The following LEF1 variants were observed in gnomAD, a reference collection of about 807,000 sequenced individuals.
The protein encoded by LEF1 is lymphoid enhancer-binding factor 1.
Under a neutral mutation model 51.2 loss-of-function variants are expected in LEF1, and 14 were observed. The observed-to-expected ratio is 0.27, with a 90% CI of 0.18 to 0.43. The LOEUF (loss-of-function observed/expected upper bound fraction) is 0.43, where lower values mean the gene tolerates loss of function less well. Ranked by LOEUF, LEF1 falls within the 20% of genes least tolerant of loss-of-function variation. The pLI, the probability that LEF1 is intolerant of heterozygous loss-of-function variation, is 1.00. For synonymous variants in LEF1, 185 were observed against 183.2 expected, an observed-to-expected ratio of 1.01 and a Z score of -0.08; for missense variants, 386 against 512.0, an observed-to-expected ratio of 0.75 and a Z score of 2.37.
intron 3 of LEF1, among the ~76,000 whole-genome samples, chr4:108,091,974 A>T (rs1460720341): frequency 6.6e-6 from 1 of 152,200 alleles, no homozygotes; most frequent in African/African-American, 2.4e-5. Flanking sequence ...GGTACTTATA[A>T]AGAGTAAACA....
At chr4:108,070,352 C>A (rs1738384036) in intron 9 of LEF1, 3 of 191,956 alleles carry the variant, frequency 1.6e-5, no homozygotes, top group East Asian at 2.5e-4. Flanking sequence ...GTAGTTATTA[C>A]TAATGTTGCC....
At chr4:108,082,979 T>C (rs756242101) in intron 5 of LEF1, among the ~76,000 whole-genome samples, 23 of 152,206 alleles carry the variant, frequency 1.5e-4, no homozygotes, top group Non-Finnish European at 2.4e-4. Context: ...AAGGTAGATA[T>C]TCAATGCGTC....
intron 8 of LEF1, among the ~76,000 whole-genome samples, chr4:108,076,199 A>T (rs915839789): frequency 3.3e-5 from 5 of 152,114 alleles, no homozygotes; most frequent in African/African-American, 1.2e-4. Context: ...ACTGAATCTT[A>T]TTCCCTACAT....
chr4:108,096,376 G>A (rs555394656), intron 3 of LEF1, among the ~76,000 whole-genome samples: 1 of 152,272 alleles, frequency 6.6e-6, no homozygotes, highest in South Asian at 2.1e-4. Flanking sequence ...AAGGACGTGG[G>A]GCAGAGCGAG....
intron 11 of LEF1, among the ~76,000 whole-genome samples, chr4:108,061,866 C>G (rs992775350): frequency 6.6e-6 from 1 of 152,110 alleles, no homozygotes; most frequent in Non-Finnish European, 1.5e-5. Context: ...CTCCTTTCAC[C>G]TGGAGGAAAG....
chr4:108,113,377 G>A (rs1472709765), intron 3 of LEF1, among the ~76,000 whole-genome samples: 1 of 152,006 alleles, frequency 6.6e-6, no homozygotes, highest in South Asian at 2.1e-4. Context: ...GTGTTACAGG[G>A]GAGAAGGGAA....
At chr4:108,059,820 A>G (rs527393410) in intron 11 of LEF1, among the ~76,000 whole-genome samples, 9 of 152,172 alleles carry the variant, frequency 5.9e-5, no homozygotes, top group African/African-American at 2.2e-4. Flanking sequence ...CAACCACCTC[A>G]GCCTCGCCAG....
intron 5 of LEF1, among the ~76,000 whole-genome samples, chr4:108,082,940 C>T (rs545232978): frequency 3.9e-5 from 6 of 152,158 alleles, no homozygotes; most frequent in Non-Finnish European, 8.8e-5. Context: ...TTATTTTTGT[C>T]ATTTACCTCA....
intron 3 of LEF1, among the ~76,000 whole-genome samples, chr4:108,127,386 A>G (rs1293681459): frequency 6.6e-6 from 1 of 152,222 alleles, no homozygotes; most frequent in Non-Finnish European, 1.5e-5. Context: ...TTACTGCCTG[A>G]ATGCTGCTAT....
intron 3 of LEF1, among the ~76,000 whole-genome samples, chr4:108,095,255 C>T (rs1216003528): frequency 6.6e-6 from 1 of 152,154 alleles, no homozygotes; most frequent in Non-Finnish European, 1.5e-5. Flanking sequence ...AGGAACATAT[C>T]ACAGGGAAAG....
At chr4:108,103,067 G>C (rs1326285082) in intron 3 of LEF1, among the ~76,000 whole-genome samples, 2 of 152,166 alleles carry the variant, frequency 1.3e-5, no homozygotes, top group African/African-American at 4.8e-5. Flanking sequence ...GGTTCTCTAA[G>C]AGCACGCAGC....
chr4:108,166,475 G>A, intron 1 of LEF1: 1 of 1,384,448 alleles, frequency 7.2e-7, no homozygotes, highest in Non-Finnish European at 9.3e-7. Flanking sequence ...CTTTTCTACC[G>A]GATTTCCTCC....
intron 9 of LEF1, among the ~76,000 whole-genome samples, chr4:108,067,560 G>A (rs1211064688): frequency 1.5e-4 from 22 of 147,854 alleles, no homozygotes; most frequent in Non-Finnish European, 2.1e-4. Context: ...AGACAGTTTC[G>A]CACTTGTCAC....
At chr4:108,147,398 G>T (rs538813801) in intron 3 of LEF1, among the ~76,000 whole-genome samples, 1 of 152,052 alleles carries the variant, frequency 6.6e-6, no homozygotes, top group African/African-American at 2.4e-5. Context: ...AATTATGAAC[G>T]GTTTTTTCAT....
intron 3 of LEF1, among the ~76,000 whole-genome samples, chr4:108,126,262 A>G (rs1006836081): frequency 1.3e-5 from 2 of 152,168 alleles, no homozygotes; most frequent in African/African-American, 4.8e-5. Context: ...CATTTTAGTC[A>G]GTTTTAGCAA....
chr4:108,102,217 C>T (rs972304256), intron 3 of LEF1, among the ~76,000 whole-genome samples: 6 of 152,068 alleles, frequency 3.9e-5, no homozygotes, highest in African/African-American at 1.4e-4. Context: ...ATTTGAAGAA[C>T]ATCAATAAAG....
At chr4:108,083,676 G>A (rs1402369255) in intron 4 of LEF1, among the ~76,000 whole-genome samples, 2 of 152,202 alleles carry the variant, frequency 1.3e-5, no homozygotes, top group African/African-American at 4.8e-5. Context: ...GAGTAAAGAT[G>A]CTGCTAGTAA....
intron 11 of LEF1, among the ~76,000 whole-genome samples, chr4:108,060,059 A>G (rs1470780111): frequency 6.6e-6 from 1 of 152,200 alleles, no homozygotes; most frequent in Non-Finnish European, 1.5e-5. Flanking sequence ...TAGTCTGGCA[A>G]ACAAGGAACC....
intron 4 of LEF1, among the ~76,000 whole-genome samples, chr4:108,087,525 G>GT (rs1560779866): frequency 1.3e-5 from 2 of 151,928 alleles, no homozygotes; most frequent in Non-Finnish European, 2.9e-5. Context: ...AACTATAAGC[G>GT]TAACTGAGAG....
Sources: gnomAD v4.1 joint callset for allele counts (sites outside exome capture counted in the v4.1 genomes callset) on GRCh38, gnomAD v4.1.1 for gene constraint, MANE v1.5 for transcripts, NCBI Gene and HGNC (gene_info 2026-07-23, HGNC 2026-07-21) for gene names.